Variants in NDUFB10 observed in about 807,000 individuals in gnomAD.
NDUFB10 encodes NADH dehydrogenase [ubiquinone] 1 beta subcomplex subunit 10.
NDUFB10 carries 23 observed loss-of-function variants against 19.0 expected under a neutral mutation model. The observed-to-expected ratio is 1.21, with a 90% CI of 0.87 to 1.71. The LOEUF (loss-of-function observed/expected upper bound fraction) is 1.71. Ranked by LOEUF, NDUFB10 falls within the 40% of genes most tolerant of loss-of-function variation. The pLI, the probability that NDUFB10 is intolerant of heterozygous loss-of-function variation, is 0.00. For synonymous variants in NDUFB10, 104 were observed against 81.8 expected (o/e 1.27, Z -1.46); for missense variants, 312 against 230.6 (o/e 1.35, Z -2.29).
rs1319383255 is a variant in NDUFB10, at chr16:1,959,620, C to T, written c.-5C>T. The T allele has an allele frequency of 6.2e-7, 1 of 1,607,648 alleles. No individual in the cohort carries two copies. The highest frequency in any genetic ancestry group is 8.5e-7 in the Non-Finnish European group (1 of 1,176,978). ...CCGGGAGCGGAGTCCGCGCCCGCCG[C>T]CGCCATGCCGGACAGCTGGGACAAG... On this transcript the variant is annotated 5_prime_UTR_variant, in exon 1 of 4. Coordinates refer to ENST00000268668, the MANE Select transcript of NDUFB10 (RefSeq NM_004548.3).
At chr16:1,960,477 C>T (rs55949541) in intron 1 of NDUFB10, among the ~76,000 whole-genome samples, 1 of 152,170 alleles carries the variant, frequency 6.6e-6, no homozygotes, top group East Asian at 1.9e-4. Context: ...CCCACCTTGG[C>T]CCCCAGGTGC....
chr16:1,961,672 C>G, intron 3 of NDUFB10, 36 bp downstream of exon 3: 1 of 1,530,842 alleles, frequency 6.5e-7, no homozygotes, highest in South Asian at 1.2e-5. Flanking sequence ...CCCCACCATC[C>G]TCCTGAGGCC....
At chr16:1,960,095 C>G (rs1240668423) in intron 1 of NDUFB10, among the ~76,000 whole-genome samples, 1 of 152,258 alleles carries the variant, frequency 6.6e-6, no homozygotes, top group East Asian at 1.9e-4. Context: ...CACCCCTCCA[C>G]TGCACCGCTG....
rs1195330399 is a variant in NDUFB10, at chr16:1,959,770, C to G, written c.130+16C>G. 1 of 1,612,638 alleles carries G rather than the reference C, an allele frequency of 6.2e-7. No individual in the cohort carries two copies. The highest frequency in any genetic ancestry group is 1.7e-5 in the Admixed American group (1 of 59,984). On this transcript the variant is annotated intron_variant, in intron 1 of 3. Coordinates refer to ENST00000268668, the MANE Select transcript of NDUFB10 (RefSeq NM_004548.3). ...CTCGTGAGAGGTACGAAGCCCCAGC[C>G]CGGGGCTCCCTCGCCGGCCTCTGGG...
intron 1 of NDUFB10, among the ~76,000 whole-genome samples, chr16:1,959,982 C>T (rs1306225062): frequency 6.6e-6 from 1 of 151,992 alleles, no homozygotes; most frequent in African/African-American, 2.4e-5. Flanking sequence ...CTCCCCTGCA[C>T]CCCGGGATGC....
In NDUFB10 at chr16:1,959,722, T is replaced by C. The variant is rs751969932; in HGVS notation, c.98T>C (p.Leu33Pro). Residue 33 changes from leucine to proline, a missense_variant, in exon 1 of 4, where the codon CTC (leucine) becomes CCC (proline). Coordinates refer to ENST00000268668, the MANE Select transcript of NDUFB10 (RefSeq NM_004548.3). ...GTCTACATGATGAAAGCGTTCGACC[T>C]CATCGTGGACCGACCCGTGACCCTC... ...PIVYMMKAFD[L>P]IVDRPVTLVR... 9 of 1,613,174 alleles carry C rather than the reference T, an allele frequency of 5.6e-6. No individual in the cohort carries two copies. In the Admixed American group the frequency reaches 1.3e-4, roughly 24 times the overall value.
chr16:1,961,124 CAT>C (rs757164678), intron 1 of NDUFB10, 27 bp from the exon 2 acceptor site: 1 of 1,611,852 alleles, frequency 6.2e-7, no homozygotes, highest in Non-Finnish European at 8.5e-7. Flanking sequence ...ACCGATGAGG[CAT>C]TTGAGTCTGT....
Position 1,961,555 on chromosome 16 carries a change from A to C in NDUFB10, c.328A>C (p.Arg110=). The change falls in exon 3 of 4, where the codon AGG becomes CGG. Residue 110 remains arginine, a synonymous_variant. Transcript: ENST00000268668. ...MQDRLKACQQ[R]EGQNYQQNCI... is the part of the protein sequence containing the mutation. ...GGATCGGCTCAAAGCCTGTCAGCAG[A>C]GGGAAGGACAGAACTACCAGCAGAA... 6.2e-7 allele frequency: 1 copy of C among 1,614,114 alleles called. No individual in the cohort carries two copies. The highest frequency in any genetic ancestry group is 8.5e-7 in the Non-Finnish European group (1 of 1,180,026).
chr16:1,961,478 T>G lies in NDUFB10; in HGVS notation c.270-19T>G. The G allele has an allele frequency of 6.2e-7, 1 of 1,613,692 alleles. No individual in the cohort carries two copies. ...AGGATTCCTTGTGATTAGCCTCTCT[T>G]GCTCCTTTTCTCCACCAGCAAAGTC... On this transcript the variant is annotated intron_variant, in intron 2 of 3. Transcript: ENST00000268668.
At chr16:1,960,712 C>T (rs1260001814) in intron 1 of NDUFB10, among the ~76,000 whole-genome samples, 2 of 152,220 alleles carry the variant, frequency 1.3e-5, no homozygotes, top group Non-Finnish European at 2.9e-5. Flanking sequence ...CTCCTTTTAG[C>T]TCGTTCATTT....
In NDUFB10 at chr16:1,959,623, C is replaced by A; in HGVS notation, c.-2C>A. 8 of 1,608,732 alleles carry A rather than the reference C, an allele frequency of 5.0e-6. No individual in the cohort carries two copies. The highest frequency in any genetic ancestry group is 6.8e-6 in the Non-Finnish European group (8 of 1,177,532). The stretch of plus-strand genomic sequence containing the variant: ...GGAGCGGAGTCCGCGCCCGCCGCCG[C>A]CATGCCGGACAGCTGGGACAAGGAT... On this transcript the variant is annotated 5_prime_UTR_variant, in exon 1 of 4. Transcript: ENST00000268668.
rs1390870006 is a variant in NDUFB10, at chr16:1,961,687, G to A, written c.409+51G>A. Reference sequence around the variant, plus strand: ...CCCCACCATCCTCCTGAGGCCTGGGGGCCAGAACCATTGCAAATCTTCCCT... The same window carrying A: ...CCCCACCATCCTCCTGAGGCCTGGGAGCCAGAACCATTGCAAATCTTCCCT... On this transcript the variant is annotated intron_variant, in intron 3 of 3. Transcript: ENST00000268668. 3 of 1,544,654 alleles carry A rather than the reference G, an allele frequency of 1.9e-6. 1 individual carries two copies.
Position 1,959,574 on chromosome 16 carries a change from G to T in NDUFB10, c.-51G>T. 2 of 1,561,568 alleles carry T rather than the reference G, an allele frequency of 1.3e-6. No homozygotes were observed. The highest frequency in any genetic ancestry group is 1.7e-6 in the Non-Finnish European group (2 of 1,151,968). On this transcript the variant is annotated 5_prime_UTR_variant, in exon 1 of 4. Transcript: ENST00000268668. ...CCTAGGCCGCGGGACCCGGACGGAG[G>T]TAGAGGCCAGGGCAGCGCGTCCGGG...
Position 1,959,693 on chromosome 16 carries a change from C to T in NDUFB10, c.69C>T (p.Pro23=), listed in dbSNP as rs371487771. Residue 23 remains proline, a synonymous_variant, in exon 1 of 4, where the codon CCC becomes CCT. Transcript: ENST00000268668. The part of the protein sequence containing the change: ...PPRRTPVQPN[P]IVYMMKAFDL... ...GCCGCACGCCGGTGCAGCCCAATCC[C>T]ATCGTCTACATGATGAAAGCGTTCG... 6.2e-7 allele frequency: 1 copy of T among 1,613,320 alleles called. No homozygotes were observed. The highest frequency in any genetic ancestry group is 8.5e-7 in the Non-Finnish European group (1 of 1,179,770).
At chr16:1,961,399 A>C in intron 2 of NDUFB10, 98 bp from the exon 3 acceptor site, 4 of 1,594,314 alleles carry the variant, frequency 2.5e-6, no homozygotes. Flanking sequence ...GTGACATGGG[A>C]GGAGCCAGAC....
chr16:1,961,233 T>C lies in NDUFB10; in HGVS notation c.211T>C (p.Cys71Arg). ...QYRRVPDITE[C>R]KEEDIMCMYE... ...CCGCCGCGTGCCAGACATCACTGAGTGCAAGGAGGAGGACATCATGTGCAT... is the reference window on the plus strand; with the variant it reads ...CCGCCGCGTGCCAGACATCACTGAGCGCAAGGAGGAGGACATCATGTGCAT... Residue 71 changes from cysteine to arginine, a missense_variant, in exon 2 of 4, where the codon TGC becomes CGC. Physicochemically the swap from Cys to Arg is radical, Grantham distance 180 (BLOSUM62 -3). Coordinates refer to ENST00000268668, the MANE Select transcript of NDUFB10 (RefSeq NM_004548.3). 6.2e-7 allele frequency: 1 copy of C among 1,614,012 alleles called. No homozygotes were observed. The highest frequency in any genetic ancestry group is 8.5e-7 in the Non-Finnish European group (1 of 1,180,022).
At chr16:1,961,684 G>C (rs199907517) in intron 3 of NDUFB10, 48 bp downstream of exon 3, 54 of 1,503,560 alleles carry the variant, frequency 3.6e-5, no homozygotes, top group Non-Finnish European at 3.9e-5. Flanking sequence ...CCTGAGGCCT[G>C]GGGGCCAGAA....
chr16:1,961,378 A>G lies in NDUFB10; in HGVS notation c.269+87A>G. 3 of 1,597,744 alleles carry G rather than the reference A, an allele frequency of 1.9e-6. No homozygotes were observed. The Admixed American group carries it at 5.1e-5, about 27-fold the overall frequency. ...TGGGATGCCACAGGGTGGCATGCCC[A>G]GATTTTAGGGGTGACATGGGAGGAG... On this transcript the variant is annotated intron_variant, in intron 2 of 3. Coordinates refer to ENST00000268668, the MANE Select transcript of NDUFB10 (RefSeq NM_004548.3).
At chr16:1,961,666 A>G (rs1253617209) in intron 3 of NDUFB10, 30 bp downstream of exon 3, 1 of 322,700 alleles carries the variant, frequency 3.1e-6, no homozygotes, top group Non-Finnish European at 4.7e-6. Flanking sequence ...CCAACCCCCC[A>G]CCATCCTCCT....
Sources: gnomAD v4.1 joint callset for allele counts (sites outside exome capture counted in the v4.1 genomes callset) on GRCh38, gnomAD v4.1.1 for gene constraint, MANE v1.5 for transcripts, NCBI Gene and HGNC (gene_info 2026-07-23, HGNC 2026-07-21) for gene names.